Variants in AGBL4 observed in about 807,000 individuals in gnomAD.
AGBL4 encodes the protein AGBL carboxypeptidase 4, also known as cytosolic carboxypeptidase 6.
In AGBL4, 58 loss-of-function variants were observed where a neutral mutation model predicts 66.4. That is an observed-to-expected ratio of 0.87 (90% confidence interval 0.71 to 1.09). The LOEUF (loss-of-function observed/expected upper bound fraction) is 1.09. Among genes scored for constraint, AGBL4 ranks in the 50% least tolerant of loss-of-function variants. The pLI is 0.00. For missense variants in AGBL4, 579 were observed against 631.0 expected (o/e 0.92, Z 0.88); for synonymous variants, 234 against 222.9 (o/e 1.05, Z -0.44).
intron 1 of AGBL4, among the ~76,000 whole-genome samples, chr1:49,947,526 AT>A (rs1655327606): frequency 6.6e-6 from 1 of 151,910 alleles, no homozygotes; most frequent in African/African-American, 2.4e-5. Flanking sequence ...CAAAATCGGC[AT>A]ACAAAGGACA....
chr1:49,502,257 A>G (rs750003809), intron 3 of AGBL4, among the ~76,000 whole-genome samples: 22 of 152,068 alleles, frequency 1.4e-4, no homozygotes, highest in Non-Finnish European at 2.9e-4. Flanking sequence ...TGGGACTTGG[A>G]CTGGCTTCCT....
intron 3 of AGBL4, among the ~76,000 whole-genome samples, chr1:49,466,005 T>C (rs1246849556): frequency 6.6e-6 from 1 of 151,890 alleles, no homozygotes; most frequent in African/African-American, 2.4e-5. Flanking sequence ...ACTATATACC[T>C]GGGCGTGGCA....
intron 5 of AGBL4, among the ~76,000 whole-genome samples, chr1:49,037,599 A>C (rs966583848): frequency 6.6e-6 from 1 of 152,124 alleles, no homozygotes; most frequent in African/African-American, 2.4e-5. Context: ...CTGTCAGGAC[A>C]CACCATAGCA....
chr1:49,843,973 A>G (rs1267631321), intron 2 of AGBL4, among the ~76,000 whole-genome samples: 2 of 152,112 alleles, frequency 1.3e-5, no homozygotes, highest in Non-Finnish European at 2.9e-5. Context: ...AAGCATGTAT[A>G]TTGAGGTCTT....
At chr1:49,500,668 T>C (rs1648063863) in intron 3 of AGBL4, among the ~76,000 whole-genome samples, 1 of 152,120 alleles carries the variant, frequency 6.6e-6, no homozygotes, top group Non-Finnish European at 1.5e-5. Flanking sequence ...TTATTCACTT[T>C]GTCAAAGATC....
At chr1:48,950,202 T>C (rs942015850) in intron 5 of AGBL4, among the ~76,000 whole-genome samples, 50 of 152,248 alleles carry the variant, frequency 3.3e-4, no homozygotes, top group African/African-American at 1.2e-3. Context: ...GCTCAAGCAA[T>C]TCTCCTGCCT....
intron 9 of AGBL4, among the ~76,000 whole-genome samples, chr1:48,596,637 G>A (rs754711113): frequency 1.3e-5 from 2 of 152,032 alleles, no homozygotes; most frequent in Non-Finnish European, 2.9e-5. Flanking sequence ...GTAGAGACAA[G>A]GTTTGCTATA....
chr1:49,026,731 C>T (rs1184539680), intron 5 of AGBL4, among the ~76,000 whole-genome samples: 1 of 152,110 alleles, frequency 6.6e-6, no homozygotes, highest in Non-Finnish European at 1.5e-5. Context: ...TTAAATGGTG[C>T]AGAATTTTTG....
At chr1:49,615,581 T>C (rs867935647) in intron 3 of AGBL4, among the ~76,000 whole-genome samples, 4 of 152,156 alleles carry the variant, frequency 2.6e-5, no homozygotes, top group Middle Eastern at 3.4e-3. Flanking sequence ...CAAATAATCT[T>C]CTCATACAGA....
At chr1:49,937,425 G>T (rs1178359862) in intron 1 of AGBL4, among the ~76,000 whole-genome samples, 1 of 152,012 alleles carries the variant, frequency 6.6e-6, no homozygotes, top group African/African-American at 2.4e-5. Flanking sequence ...ACAACAGACA[G>T]ATCAACGAGA....
chr1:48,741,985 C>A (rs550231900), intron 6 of AGBL4, among the ~76,000 whole-genome samples: 2 of 152,166 alleles, frequency 1.3e-5, no homozygotes, highest in Non-Finnish European at 2.9e-5. Context: ...TTTTCACGAG[C>A]GATTCCATTA....
chr1:50,014,267 A>G (rs897022702), intron 1 of AGBL4, among the ~76,000 whole-genome samples: 1 of 151,854 alleles, frequency 6.6e-6, no homozygotes. Flanking sequence ...GCTACTTGGG[A>G]GGCTGAGGTA....
At chr1:49,946,418 T>C (rs1021511648) in intron 1 of AGBL4, among the ~76,000 whole-genome samples, 2 of 151,938 alleles carry the variant, frequency 1.3e-5, no homozygotes, top group Non-Finnish European at 2.9e-5. Flanking sequence ...TTTAAAACCA[T>C]GCAAATATAT....
chr1:49,318,045 A>G (rs970740508), intron 3 of AGBL4, among the ~76,000 whole-genome samples: 2 of 152,096 alleles, frequency 1.3e-5, no homozygotes, highest in African/African-American at 4.8e-5. Flanking sequence ...CAGATTAGCC[A>G]ACAAAATTTT....
intron 11 of AGBL4, among the ~76,000 whole-genome samples, chr1:48,575,006 GATGTTCAATAAATGTT>G (rs1644628388): frequency 6.6e-6 from 1 of 152,100 alleles, no homozygotes; most frequent in Admixed American, 6.5e-5. Context: ...ACACGTAGTC[GATGTTCAATAAATGTT>G]ATATCTAAAT....
At chr1:49,099,586 T>G (rs76231364) in intron 4 of AGBL4, among the ~76,000 whole-genome samples, 1 of 152,200 alleles carries the variant, frequency 6.6e-6, no homozygotes, top group Admixed American at 6.5e-5. Flanking sequence ...AACTTTGCCA[T>G]GGAAACATTA....
At chr1:48,750,244 C>A (rs560206648) in intron 6 of AGBL4, among the ~76,000 whole-genome samples, 2 of 152,158 alleles carry the variant, frequency 1.3e-5, no homozygotes, top group African/African-American at 2.4e-5. Context: ...TGGGGAAGTG[C>A]CCCCATGAAC....
intron 6 of AGBL4, among the ~76,000 whole-genome samples, chr1:48,862,911 A>T (rs1367012186): frequency 1.3e-5 from 2 of 152,228 alleles, no homozygotes; most frequent in African/African-American, 4.8e-5. Flanking sequence ...AAACAAGAAT[A>T]TATACAGATT....
At chr1:49,591,064 G>A (rs537484912) in intron 3 of AGBL4, among the ~76,000 whole-genome samples, 53 of 151,864 alleles carry the variant, frequency 3.5e-4, no homozygotes, top group African/African-American at 7.2e-4. Context: ...AAATAAAATC[G>A]TCTAAAATCA....
Sources: allele counts gnomAD v4.1 joint callset (sites outside exome capture counted in the v4.1 genomes callset), GRCh38; gene constraint gnomAD v4.1.1; transcripts MANE v1.5; gene names NCBI Gene and HGNC (gene_info 2026-07-23, HGNC 2026-07-21).